Variants in SDK1 observed in about 807,000 individuals in gnomAD.
The protein encoded by SDK1 is sidekick cell adhesion molecule 1, also known as protein sidekick-1.
A neutral mutation model predicts 245.5 loss-of-function variants in SDK1; 157 were observed. That is an observed-to-expected ratio of 0.64 (90% CI 0.56 to 0.73). The LOEUF is 0.73. Among genes scored for constraint, SDK1 ranks in the 30% least tolerant of loss-of-function variants. The pLI is 0.00. For missense variants in SDK1, 3,583 were observed against 3,002.3 expected (o/e 1.19, Z -4.52); for synonymous variants, 1,647 against 1,278.5 (o/e 1.29, Z -6.15).
At chr7:3,389,990 A>G (rs1781707323) in intron 1 of SDK1, among the ~76,000 whole-genome samples, 1 of 152,108 alleles carries the variant, frequency 6.6e-6, no homozygotes, top group African/African-American at 2.4e-5. Flanking sequence ...GTTATTGGTA[A>G]GTGGGGGAAA....
At chr7:3,871,190 G>A (rs542906021) in intron 5 of SDK1, among the ~76,000 whole-genome samples, 6 of 151,902 alleles carry the variant, frequency 3.9e-5, no homozygotes, top group Non-Finnish European at 7.4e-5. Context: ...GTAGTTTTGG[G>A]TTTTTTAATC....
chr7:3,648,191 C>T (rs1041218034), intron 4 of SDK1, among the ~76,000 whole-genome samples: 3 of 152,006 alleles, frequency 2.0e-5, no homozygotes, highest in Non-Finnish European at 4.4e-5. Context: ...ATTTATTTCT[C>T]AAAATATGAA....
intron 25 of SDK1, among the ~76,000 whole-genome samples, chr7:4,117,757 C>G (rs1783804380): frequency 1.3e-5 from 2 of 152,142 alleles, no homozygotes; most frequent in Admixed American, 6.5e-5. Flanking sequence ...TGTAGATACA[C>G]TGGGCAGGCC....
chr7:3,743,978 A>G (rs73304234), intron 4 of SDK1, among the ~76,000 whole-genome samples: 4,655 of 152,212 alleles, frequency 0.031, 231 homozygotes, highest in African/African-American at 0.11. Flanking sequence ...TTAATAAGAC[A>G]CTATTAATCA....
At chr7:3,348,129 A>T (rs1211113188) in intron 1 of SDK1, among the ~76,000 whole-genome samples, 2 of 152,184 alleles carry the variant, frequency 1.3e-5, no homozygotes, top group African/African-American at 4.8e-5. Context: ...CGATGTTTAC[A>T]TCACAGACAG....
intron 1 of SDK1, among the ~76,000 whole-genome samples, chr7:3,422,725 T>C (rs2128581358): frequency 6.6e-6 from 1 of 152,032 alleles, no homozygotes; most frequent in Admixed American, 6.6e-5. Context: ...AACACAGGAG[T>C]TGGGCTGGCG....
chr7:3,952,040 T>G, intron 7 of SDK1, 120 bp downstream of exon 7: 2 of 907,074 alleles, frequency 2.2e-6, no homozygotes, highest in Non-Finnish European at 1.7e-6. Context: ...CAAATGAAGG[T>G]GAGGTTGAGT....
intron 1 of SDK1, among the ~76,000 whole-genome samples, chr7:3,553,242 T>C (rs1306015700): frequency 6.6e-6 from 1 of 152,206 alleles, no homozygotes; most frequent in Non-Finnish European, 1.5e-5. Context: ...TTAATGTTCA[T>C]AGCAATCTAG....
chr7:3,414,818 A>G (rs915079608), intron 1 of SDK1, among the ~76,000 whole-genome samples: 1 of 152,168 alleles, frequency 6.6e-6, no homozygotes, highest in Non-Finnish European at 1.5e-5. Context: ...AAATGGAGTC[A>G]TATAATGTGT....
intron 2 of SDK1, among the ~76,000 whole-genome samples, chr7:3,625,661 A>G (rs1213417257): frequency 6.6e-6 from 1 of 152,246 alleles, no homozygotes; most frequent in Non-Finnish European, 1.5e-5. Flanking sequence ...GTGAAAGAGG[A>G]AATTATTTAT....
intron 25 of SDK1, among the ~76,000 whole-genome samples, chr7:4,119,630 A>G (rs1042343824): frequency 2.7e-5 from 4 of 149,212 alleles, no homozygotes; most frequent in Admixed American, 2.7e-4. Flanking sequence ...AAATAAAACA[A>G]AAAGAAAATA....
chr7:3,370,788 C>T (rs1056651197), intron 1 of SDK1, among the ~76,000 whole-genome samples: 2 of 152,192 alleles, frequency 1.3e-5, no homozygotes, highest in African/African-American at 4.8e-5. Context: ...TTCATGTACA[C>T]AGTGTGCATA....
chr7:4,018,462 C>T (rs1244077170), intron 17 of SDK1, among the ~76,000 whole-genome samples: 1 of 152,196 alleles, frequency 6.6e-6, no homozygotes, highest in East Asian at 1.9e-4. Context: ...AAATGCAGGA[C>T]AGCCAGGAAG....
chr7:3,397,553 G>A (rs1170999966), intron 1 of SDK1, among the ~76,000 whole-genome samples: 1 of 151,534 alleles, frequency 6.6e-6, no homozygotes, highest in African/African-American at 2.4e-5. Flanking sequence ...GAAGTCAGCT[G>A]TTAATCTTAT....
intron 38 of SDK1, among the ~76,000 whole-genome samples, chr7:4,217,523 A>G (rs1784897171): frequency 1.5e-5 from 2 of 136,430 alleles, no homozygotes; most frequent in African/African-American, 5.7e-5. Flanking sequence ...CACCACCCGG[A>G]GCACCACACC....
intron 13 of SDK1, chr7:3,974,801 T>A: frequency 2.4e-6 from 1 of 415,260 alleles, no homozygotes; most frequent in Non-Finnish European, 4.4e-6. Flanking sequence ...ATCCTTTTTG[T>A]CATATTTTTC....
chr7:3,317,180 C>CAAAAAAAA (rs57138474), intron 1 of SDK1, among the ~76,000 whole-genome samples: 1 of 32,734 alleles, frequency 3.1e-5, no homozygotes, highest in Non-Finnish European at 5.6e-5. Flanking sequence ...GACTCTGTCT[C>CAAAAAAAA]AAAAAAAAAA....
At chr7:3,962,988 C>G (rs112795927) in intron 9 of SDK1, 137 bp downstream of exon 9, 1 of 411,058 alleles carries the variant, frequency 2.4e-6, no homozygotes, top group Non-Finnish European at 3.9e-6. Flanking sequence ...AGTGAGTACA[C>G]TCAGCTCCAT....
At chr7:3,998,325 G>GA (rs1784831612) in intron 14 of SDK1, among the ~76,000 whole-genome samples, 1 of 152,256 alleles carries the variant, frequency 6.6e-6, no homozygotes, top group African/African-American at 2.4e-5. Context: ...GCTGTCTAGA[G>GA]CAGCTGGCTG....
Sources: gnomAD v4.1 joint callset for allele counts (sites outside exome capture counted in the v4.1 genomes callset) on GRCh38, gnomAD v4.1.1 for gene constraint, MANE v1.5 for transcripts, NCBI Gene and HGNC (gene_info 2026-07-23, HGNC 2026-07-21) for gene names.